Variants in EPB41L5 observed in about 807,000 individuals in gnomAD.
EPB41L5 encodes the protein erythrocyte membrane protein band 4.1 like 5, also known as band 4.1-like protein 5.
Under a neutral mutation model 106.6 loss-of-function variants are expected in EPB41L5, and 55 were observed. The observed-to-expected ratio is 0.52, with a 90% CI of 0.42 to 0.65. EPB41L5 has a LOEUF of 0.65. Ranked by LOEUF, EPB41L5 falls within the 30% of genes least tolerant of loss-of-function variation. The pLI is 0.00. For missense variants in EPB41L5, 871 were observed against 882.1 expected, an observed-to-expected ratio of 0.99 and a Z score of 0.16; for synonymous variants, 297 against 306.7, an observed-to-expected ratio of 0.97 and a Z score of 0.33.
intron 20 of EPB41L5, among the ~76,000 whole-genome samples, chr2:120,152,164 A>G (rs766655594): frequency 3.1e-4 from 47 of 152,192 alleles, no homozygotes; most frequent in Non-Finnish European, 4.9e-4. Context: ...TATGTTTTTC[A>G]TATATGCCCT....
chr2:120,098,419 C>T (rs568717537), intron 14 of EPB41L5, among the ~76,000 whole-genome samples: 2 of 152,150 alleles, frequency 1.3e-5, no homozygotes, highest in African/African-American at 4.8e-5. Flanking sequence ...GGCTCTGTTG[C>T]CCAGGCTGGT....
At chr2:120,105,878 C>T in intron 16 of EPB41L5, 2 of 984,902 alleles carry the variant, frequency 2.0e-6, no homozygotes, top group Non-Finnish European at 2.4e-6. Flanking sequence ...CTGGGTTGTG[C>T]CATTCAAGAA....
intron 20 of EPB41L5, among the ~76,000 whole-genome samples, chr2:120,150,116 C>T (rs1407214321): frequency 6.6e-6 from 1 of 151,868 alleles, no homozygotes; most frequent in Non-Finnish European, 1.5e-5. Flanking sequence ...GGCTGGTCTT[C>T]GAACTCCTGA....
At chr2:120,014,058 C>T (rs868108353) in intron 1 of EPB41L5, among the ~76,000 whole-genome samples, 4 of 152,298 alleles carry the variant, frequency 2.6e-5, no homozygotes, top group Middle Eastern at 3.4e-3. Flanking sequence ...TGCGTAACTG[C>T]TGTTGAATTA....
rs1038300183 is a variant in EPB41L5, at chr2:120,094,030, G to T, written c.1178+754G>T. 2.0e-5 allele frequency among the ~76,000 whole-genome samples: 3 copies of T among 152,176 alleles called. No individual in the cohort carries two copies. In the South Asian group the frequency reaches 6.2e-4, roughly 32 times the overall value. On this transcript the variant is annotated intron_variant, in intron 14 of 24. Coordinates refer to ENST00000263713, the MANE Select transcript of EPB41L5 (RefSeq NM_020909.4). ...AGGGCCTAGCTCTTTCACCCAGGCT[G>T]CAGTACAGCAGCTTGAGCATGGCTT... is the stretch of plus-strand genomic sequence containing the variant.
chr2:120,019,366 A>AGGTATTAT (rs1677770090), intron 2 of EPB41L5, 102 bp downstream of exon 2: 2 of 1,113,712 alleles, frequency 1.8e-6, no homozygotes, highest in East Asian at 4.8e-5. Flanking sequence ...AAATAAGTAA[A>AGGTATTAT]GGTATTATGG....
chr2:120,040,472 C>T (rs940991582), intron 2 of EPB41L5, among the ~76,000 whole-genome samples: 2 of 152,212 alleles, frequency 1.3e-5, no homozygotes, highest in South Asian at 2.1e-4. Flanking sequence ...AACTGTCATT[C>T]GAGTGAGGGC....
At chr2:120,116,078 T>TGG (rs1316710489) in intron 16 of EPB41L5, among the ~76,000 whole-genome samples, 1 of 152,192 alleles carries the variant, frequency 6.6e-6, no homozygotes, top group African/African-American at 2.4e-5. Flanking sequence ...CCCAAAGTGC[T>TGG]GGGATTACAG....
chr2:120,090,331 T>G lies in EPB41L5; in HGVS notation c.874-16T>G. 19 of 1,580,894 alleles carry G rather than the reference T, an allele frequency of 1.2e-5. No individual in the cohort carries two copies. The highest frequency in any genetic ancestry group is 1.6e-5 in the Non-Finnish European group (19 of 1,165,992). The stretch of plus-strand genomic sequence containing the variant: ...GAATTAGTAATCATCCTTTTATATA[T>G]ACTTTTCTTTTTCAGGGCAAAGAAC... On this transcript the variant is annotated splice_polypyrimidine_tract_variant and intron_variant, in intron 11 of 24. Transcript: ENST00000263713.
At chr2:120,027,041 A>G (rs1442752480) in intron 2 of EPB41L5, among the ~76,000 whole-genome samples, 2 of 152,236 alleles carry the variant, frequency 1.3e-5, no homozygotes, top group Non-Finnish European at 2.9e-5. Flanking sequence ...AGGCTGAAAT[A>G]AAGTCAGATA....
intron 1 of EPB41L5, among the ~76,000 whole-genome samples, chr2:120,014,249 C>A (rs755028505): frequency 6.6e-6 from 1 of 152,076 alleles, no homozygotes; most frequent in Non-Finnish European, 1.5e-5. Context: ...CTTTTTTTAA[C>A]CAACTTCTGA....
At chr2:120,025,373 A>AT (rs1040842423) in intron 2 of EPB41L5, among the ~76,000 whole-genome samples, 3 of 150,292 alleles carry the variant, frequency 2.0e-5, no homozygotes, top group South Asian at 2.1e-4. Flanking sequence ...TGTCTATTTG[A>AT]TTTTTTTTTC....
chr2:120,021,894 C>T (rs552727930), intron 2 of EPB41L5, among the ~76,000 whole-genome samples: 116 of 152,074 alleles, frequency 7.6e-4, no homozygotes, highest in African/African-American at 2.8e-3. Context: ...TTGAATGAAG[C>T]ACATACTCAT....
At chr2:120,023,057 G>T (rs778775302) in intron 2 of EPB41L5, among the ~76,000 whole-genome samples, 1 of 152,044 alleles carries the variant, frequency 6.6e-6, no homozygotes, top group African/African-American at 2.4e-5. Context: ...ATTTGTTTAA[G>T]TTCCTTGTAG....
chr2:120,174,854 T>G lies in EPB41L5; in HGVS notation c.2149T>G (p.Leu717Val), dbSNP rs112990619. ...VDAVTSSGPI[L>V]AEEAVLKQKC... ...TCTTCCTTTCAGCTCTGGTCCCATT[T>G]TGGCAGAAGAAGCTGTCCTGAAGCA... Residue 717 changes from leucine to valine, a missense_variant, in exon 25 of 25, where the codon TTG becomes GTG. Leu to Val is a conservative substitution (Grantham distance 32, BLOSUM62 1). Coordinates refer to ENST00000263713, the MANE Select transcript of EPB41L5 (RefSeq NM_020909.4). 133 of 1,614,188 alleles carry G rather than the reference T, an allele frequency of 8.2e-5. No homozygotes were observed. In the African/African-American group the frequency reaches 1.4e-3, roughly 17 times the overall value.
intron 10 of EPB41L5, among the ~76,000 whole-genome samples, chr2:120,083,867 T>A (rs12616890): frequency 0.62 from 94,372 of 151,856 alleles, 31,101 homozygotes; most frequent in Middle Eastern, 0.74. Context: ...GCCTTCTTTG[T>A]CTCTTTTGAT....
chr2:120,077,135 G>C, intron 8 of EPB41L5, 44 bp downstream of exon 8: 1 of 1,596,016 alleles, frequency 6.3e-7, no homozygotes, highest in African/African-American at 1.3e-5. Flanking sequence ...CACCACAACA[G>C]TTATTTCATA....
chr2:120,045,193 A>G (rs1485908640), intron 3 of EPB41L5, among the ~76,000 whole-genome samples: 6 of 152,248 alleles, frequency 3.9e-5, no homozygotes, highest in East Asian at 1.9e-4. Context: ...CAAAACGTCT[A>G]TGACTATAGA....
At chr2:120,018,219 G>A (rs1452988194) in intron 1 of EPB41L5, among the ~76,000 whole-genome samples, 1 of 151,756 alleles carries the variant, frequency 6.6e-6, no homozygotes, top group Admixed American at 6.6e-5. Flanking sequence ...CACCTGCCTT[G>A]GCCTCCCAAA....
Sources: gnomAD v4.1 joint callset for allele counts (sites outside exome capture counted in the v4.1 genomes callset) on GRCh38, gnomAD v4.1.1 for gene constraint, MANE v1.5 for transcripts, NCBI Gene and HGNC (gene_info 2026-07-23, HGNC 2026-07-21) for gene names.